Variants in PTBP3 observed in about 807,000 individuals in gnomAD.
PTBP3 encodes the protein polypyrimidine tract-binding protein 3.
A neutral mutation model predicts 58.7 loss-of-function variants in PTBP3; 20 were observed. That is an observed-to-expected ratio of 0.34 (90% CI 0.24 to 0.50). The LOEUF (loss-of-function observed/expected upper bound fraction) is 0.50, where lower values mean the gene tolerates loss of function less well. Ranked by LOEUF, PTBP3 falls within the 20% of genes least tolerant of loss-of-function variation. The pLI is 0.98. For missense variants in PTBP3, 509 were observed against 637.2 expected (o/e 0.80, Z 2.17); for synonymous variants, 185 against 219.8 (o/e 0.84, Z 1.40).
Position 112,262,459 on chromosome 9 carries a change from A to G in PTBP3, c.492T>C (p.Pro164=), listed in dbSNP as rs755996715. 1 of 1,605,720 alleles carries G rather than the reference A, an allele frequency of 6.2e-7. No individual in the cohort carries two copies. The highest frequency in any genetic ancestry group is 2.3e-5 in the East Asian group (1 of 44,326). ...LRIIIENLFY[P]VTLEVLHQIF... is the part of the protein sequence containing the mutation. ...CCTGATGAAGAACTTCCAGGGTAAC[A>G]GGGTAAAAGAGGTTTTCAATAATTA... Residue 164 remains proline, a synonymous_variant, in exon 5 of 14, where the codon CCT becomes CCC. Transcript: ENST00000374257.
At chr9:112,254,161 G>A (rs932556903) in intron 5 of PTBP3, among the ~76,000 whole-genome samples, 2 of 151,838 alleles carry the variant, frequency 1.3e-5, no homozygotes, top group Admixed American at 6.6e-5. Context: ...TTATTTTTAA[G>A]GTTTTATAGA....
At chr9:112,286,669 C>G (rs1312883986) in intron 2 of PTBP3, among the ~76,000 whole-genome samples, 1 of 152,002 alleles carries the variant, frequency 6.6e-6, no homozygotes, top group Non-Finnish European at 1.5e-5. Flanking sequence ...TTTAAGCAGT[C>G]AATAATCCTT....
At chr9:112,289,752 T>A (rs74641384) in intron 2 of PTBP3, among the ~76,000 whole-genome samples, 430 of 151,878 alleles carry the variant, frequency 2.8e-3, no homozygotes, top group African/African-American at 0.01. Context: ...ATTATGTGAT[T>A]ACATCTACAC....
intron 2 of PTBP3, among the ~76,000 whole-genome samples, chr9:112,277,357 G>A (rs1253978569): frequency 6.6e-6 from 1 of 152,108 alleles, no homozygotes; most frequent in Non-Finnish European, 1.5e-5. Flanking sequence ...GAAGGCAAGA[G>A]ATTCCATCTC....
upstream of PTBP3, among the ~76,000 whole-genome samples, chr9:112,338,193 T>C (rs1191026471): frequency 6.6e-6 from 1 of 152,218 alleles, no homozygotes; most frequent in African/African-American, 2.4e-5. Context: ...TACAGACAAC[T>C]GTGACTACAA....
intron 1 of PTBP3, among the ~76,000 whole-genome samples, chr9:112,310,734 G>A (rs528023941): frequency 6.6e-6 from 1 of 152,330 alleles, no homozygotes; most frequent in South Asian, 2.1e-4. Context: ...TGCCAGAGGT[G>A]AAAAGAATTT....
Position 112,222,631 on chromosome 9 carries a change from A to AT in PTBP3, c.*1219dup, listed in dbSNP as rs1412795912. On this transcript the variant is annotated 3_prime_UTR_variant, in exon 14 of 14. Coordinates refer to ENST00000374257, the MANE Select transcript of PTBP3 (RefSeq NM_001163788.4). ...CTCTGCACCAAGCACCAAAAATTTG[A>AT]TAAAAACTATTACTTATTGAAAACC... is the stretch of plus-strand genomic sequence containing the variant. The AT allele has an allele frequency of 1.0e-6, 1 of 985,716 alleles. No homozygotes were observed. Among genetic ancestry groups the AT allele is most frequent in the Non-Finnish European group, 1.2e-6 (1 of 829,922 alleles). The allele number at this position is 985,716 out of a possible 1,614,324, so 61.1% of individuals were successfully genotyped here.
chr9:112,318,888 G>A (rs940985300), intron 1 of PTBP3, among the ~76,000 whole-genome samples: 2 of 152,166 alleles, frequency 1.3e-5, no homozygotes, highest in African/African-American at 4.8e-5. Context: ...AGTACTTTGG[G>A]AGGCCAAGGC....
intron 3 of PTBP3, among the ~76,000 whole-genome samples, chr9:112,271,093 C>T (rs1252352044): frequency 6.6e-6 from 1 of 152,142 alleles, no homozygotes; most frequent in Non-Finnish European, 1.5e-5. Context: ...TCCAAAAGTG[C>T]TGGGATTACA....
intron 1 of PTBP3, among the ~76,000 whole-genome samples, chr9:112,325,172 G>A (rs555486345): frequency 6.6e-6 from 1 of 152,250 alleles, no homozygotes; most frequent in South Asian, 2.1e-4. Context: ...CCTAGGCAAA[G>A]AGGGAAGGGT....
At chr9:112,356,087 C>T in the PTBP3 span, among the ~76,000 whole-genome samples, 1 of 151,026 alleles carries the variant, frequency 6.6e-6, no homozygotes, top group Admixed American at 6.6e-5. Context: ...GATGGATTCT[C>T]CTGCCTCAGC....
intron 4 of PTBP3, among the ~76,000 whole-genome samples, chr9:112,263,965 G>A (rs912110142): frequency 1.3e-5 from 2 of 151,664 alleles, no homozygotes; most frequent in Admixed American, 1.3e-4. Context: ...TGGGGCCACA[G>A]AGCAAGGTGC....
At chr9:112,370,315 G>A in the PTBP3 span, among the ~76,000 whole-genome samples, 1 of 152,176 alleles carries the variant, frequency 6.6e-6, no homozygotes, top group East Asian at 1.9e-4. Context: ...GCTGAGGCAG[G>A]TGGATTACTT....
intron 1 of PTBP3, among the ~76,000 whole-genome samples, chr9:112,312,974 G>T (rs1457454593): frequency 6.6e-6 from 1 of 151,910 alleles, no homozygotes; most frequent in African/African-American, 2.4e-5. Context: ...AGCTCAGGAG[G>T]TCAAGGCTGC....
At chr9:112,269,245 AAC>A (rs1827264689) in intron 3 of PTBP3, among the ~76,000 whole-genome samples, 1 of 151,796 alleles carries the variant, frequency 6.6e-6, no homozygotes, top group Admixed American at 6.6e-5. Flanking sequence ...ACAATACATA[AAC>A]AGATACAAAA....
chr9:112,317,918 G>A (rs1829772348), intron 1 of PTBP3, among the ~76,000 whole-genome samples: 1 of 152,142 alleles, frequency 6.6e-6, no homozygotes, highest in Admixed American at 6.6e-5. Context: ...ACTCCAGCCT[G>A]GGTGACAGAG....
At chr9:112,313,108 T>C (rs1829557822) in intron 1 of PTBP3, among the ~76,000 whole-genome samples, 1 of 152,064 alleles carries the variant, frequency 6.6e-6, no homozygotes, top group Non-Finnish European at 1.5e-5. Flanking sequence ...TGGTAAGCTA[T>C]CAGATAAAGA....
intron 3 of PTBP3, among the ~76,000 whole-genome samples, chr9:112,271,062 A>G (rs1827365331): frequency 6.6e-6 from 1 of 152,042 alleles, no homozygotes; most frequent in African/African-American, 2.4e-5. Flanking sequence ...CCTGACCTCA[A>G]GTGATCTGCC....
At chr9:112,242,183 A>G (rs1835686346) in intron 7 of PTBP3, among the ~76,000 whole-genome samples, 1 of 152,172 alleles carries the variant, frequency 6.6e-6, no homozygotes, top group African/African-American at 2.4e-5. Flanking sequence ...AATGGAGTAC[A>G]GCAGCTATTC....
Sources: allele counts gnomAD v4.1 joint callset (sites outside exome capture counted in the v4.1 genomes callset), GRCh38; gene constraint gnomAD v4.1.1; transcripts MANE v1.5; gene names NCBI Gene and HGNC (gene_info 2026-07-23, HGNC 2026-07-21).